PCNT: variants seen among roughly 807,000 people sequenced by gnomAD.
The protein encoded by PCNT is kendrin.
A neutral mutation model predicts 380.4 loss-of-function variants in PCNT; 319 were observed. That is an observed-to-expected ratio of 0.84 (90% CI 0.77 to 0.92). PCNT has a LOEUF of 0.92. Ranked by LOEUF, PCNT falls within the 40% of genes least tolerant of loss-of-function variation. The pLI, the probability that PCNT is intolerant of heterozygous loss-of-function variation, is 0.00. For missense variants in PCNT, 4,400 were observed against 4,255.3 expected, an observed-to-expected ratio of 1.03 and a Z score of -0.95; for synonymous variants, 1,845 against 1,735.2, an observed-to-expected ratio of 1.06 and a Z score of -1.57.
chr21:46,365,985 GTCACTGCCGTGGGGTTCTGT>G (rs1009625085), intron 14 of PCNT, among the ~76,000 whole-genome samples: 23 of 100,884 alleles, frequency 2.3e-4, no homozygotes, highest in Non-Finnish European at 4.0e-4. Flanking sequence ...TGGGGTTCTA[GTCACTGCCGTGGGGTTCTGT>G]TCACTGCCGT....
At position 46,334,646 on chromosome 21, in the gene PCNT, A is replaced by G. The variant is rs535358423; in HGVS notation, c.517A>G (p.Thr173Ala). 2.2e-5 allele frequency: 36 copies of G among 1,604,618 alleles called. No individual in the cohort carries two copies. The East Asian group carries it at 3.1e-4, about 14-fold the overall frequency. ...DHPPEQRGMF[T>A]ISDHQPEQRG... is the part of the protein sequence containing the mutation. ...CCCACCAGAACAGCGTGGGATGTTC[A>G]CAATCAGTGACCACCAACCGGAACA... Residue 173 changes from threonine (T) to alanine (A), a missense_variant, in exon 3 of 47, where the codon ACA (threonine) becomes GCA (alanine). Transcript: ENST00000359568.
At chr21:46,390,546 C>A (rs2085996826) in intron 19 of PCNT, 124 bp from the exon 20 acceptor site, 1 of 1,000,594 alleles carries the variant, frequency 1.0e-6, no homozygotes, top group Non-Finnish European at 1.6e-6. Context: ...GTCACCCTGG[C>A]CTGGCCCTGC....
chr21:46,371,326 T>A (rs1310153341), intron 15 of PCNT, among the ~76,000 whole-genome samples: 2 of 148,176 alleles, frequency 1.3e-5, no homozygotes, highest in Non-Finnish European at 1.5e-5. Context: ...TCCTCCCACC[T>A]CAGCCTCCCA....
intron 27 of PCNT, among the ~76,000 whole-genome samples, chr21:46,408,207 C>G (rs2086675830): frequency 6.6e-6 from 1 of 152,140 alleles, no homozygotes; most frequent in Admixed American, 6.5e-5. Context: ...TTGTAATGCA[C>G]TGGAAATTGA....
At chr21:46,427,561 T>G in intron 33 of PCNT, 61 bp from the exon 34 acceptor site, 1 of 1,601,706 alleles carries the variant, frequency 6.2e-7, no homozygotes, top group Non-Finnish European at 8.5e-7. Context: ...ACTGCGAACT[T>G]TAGGGCACAA....
chr21:46,375,121 T>C (rs1350960029), intron 15 of PCNT, among the ~76,000 whole-genome samples: 1 of 152,172 alleles, frequency 6.6e-6, no homozygotes, highest in Non-Finnish European at 1.5e-5. Flanking sequence ...TAAGCTTGAT[T>C]TCTTTTTGAT....
At chr21:46,369,878 G>A (rs577194621) in intron 15 of PCNT, among the ~76,000 whole-genome samples, 5 of 152,310 alleles carry the variant, frequency 3.3e-5, no homozygotes, top group South Asian at 4.2e-4. Context: ...AGCACCAAGC[G>A]GCCCTGCAGG....
In PCNT at chr21:46,422,141, C is replaced by T. The variant is rs774896211; in HGVS notation, c.7179+17C>T. 154 of 1,612,518 alleles carry T rather than the reference C, an allele frequency of 9.6e-5. No homozygotes were observed. Among genetic ancestry groups the T allele is most frequent in the Admixed American group, 1.8e-4 (11 of 59,996 alleles). ...CACGTGAAGGTATGGCTGGCAGGGGCGGCCCTCACAGCTTCACATGTGCAG... is the reference window on the plus strand; with the variant it reads ...CACGTGAAGGTATGGCTGGCAGGGGTGGCCCTCACAGCTTCACATGTGCAG... On this transcript the variant is annotated intron_variant, in intron 32 of 46. Coordinates refer to ENST00000359568, the MANE Select transcript of PCNT (RefSeq NM_006031.6).
Position 46,349,734 on chromosome 21 carries a change from C to G in PCNT, c.1258C>G (p.Arg420Gly), listed in dbSNP as rs1248268358. The G allele has an allele frequency of 6.2e-7, 1 of 1,613,706 alleles. No homozygotes were observed. Among genetic ancestry groups the G allele is most frequent in the African/African-American group, 1.3e-5 (1 of 74,894 alleles). The change falls in exon 8 of 47, where the codon CGT becomes GGT. Residue 420 changes from arginine (R) to glycine (G), a missense_variant. Transcript: ENST00000359568. ...TCATCAAGCAGCCATTGAGAAGTTACGTGAAGACCTGCAGTCCGAGCACGG... is the reference window on the plus strand; with the variant it reads ...TCATCAAGCAGCCATTGAGAAGTTAGGTGAAGACCTGCAGTCCGAGCACGG... The part of the protein sequence containing the change: ...SHHQAAIEKL[R>G]EDLQSEHGRC...
Position 46,388,937 on chromosome 21 carries a change from T to C in PCNT, c.3607+53T>C. On this transcript the variant is annotated intron_variant, in intron 18 of 46. Coordinates refer to ENST00000359568, the MANE Select transcript of PCNT (RefSeq NM_006031.6). This position sits in a 1 kb window ranked among gnomAD's most constrained non-coding sequence, Gnocchi z 4.2. ...CCCTGTGCTTGCAGCCCCTCTGTGG[T>C]CCTGGAGCTCTCTGAGAGGAGCCTC... The C allele has an allele frequency of 1.3e-6, 2 of 1,546,818 alleles. No homozygotes were observed. Among genetic ancestry groups the C allele is most frequent in the Non-Finnish European group, 1.7e-6 (2 of 1,151,982 alleles).
At position 46,353,437 on chromosome 21, in the gene PCNT, T is replaced by C. The variant is rs2084348817; in HGVS notation, c.1679+111T>C. ...ATGCTAGTAGGCACCAATGGCCTTT[T>C]ATACAAACACATTTTATGGTCCAGA... On this transcript the variant is annotated intron_variant, in intron 10 of 46. Coordinates refer to ENST00000359568, the MANE Select transcript of PCNT (RefSeq NM_006031.6). 8 of 883,118 alleles carry C rather than the reference T, an allele frequency of 9.1e-6. No individual in the cohort carries two copies. In the South Asian group the frequency reaches 9.4e-5, roughly 10 times the overall value. 54.7% of individuals were successfully genotyped at this position (883,118 alleles called of 1,614,324 possible). A position where few individuals can be genotyped will look rare whatever the true frequency, so the allele number is the denominator to read the frequency against.
Position 46,324,162 on chromosome 21 carries a change from A to C in PCNT, c.-67A>C. On this transcript the variant is annotated 5_prime_UTR_variant, in exon 1 of 47. Coordinates refer to ENST00000359568, the MANE Select transcript of PCNT (RefSeq NM_006031.6). Reference sequence around the variant, plus strand: ...GCCCAAGCGCGGGGGAGGGAGTGTAAATAGAGCGAAGGCTGCTCTGTGTCA... The same window carrying C: ...GCCCAAGCGCGGGGGAGGGAGTGTACATAGAGCGAAGGCTGCTCTGTGTCA... 1.5e-6 allele frequency: 2 copies of C among 1,376,368 alleles called. No homozygotes were observed. Among genetic ancestry groups the C allele is most frequent in the Non-Finnish European group, 2.0e-6 (2 of 979,070 alleles). 85.3% of individuals were successfully genotyped at this position (1,376,368 alleles called of 1,614,324 possible). A position where few individuals can be genotyped will look rare whatever the true frequency, so the allele number is the denominator to read the frequency against.
At chr21:46,338,905 C>G (rs1048034317) in intron 3 of PCNT, among the ~76,000 whole-genome samples, 2 of 152,188 alleles carry the variant, frequency 1.3e-5, no homozygotes, top group African/African-American at 4.8e-5. Flanking sequence ...CTCAGCCTCC[C>G]GAGTACCTGG....
At chr21:46,325,205 T>G (rs2146212158) in intron 1 of PCNT, 1 of 985,314 alleles carries the variant, frequency 1.0e-6, no homozygotes. Flanking sequence ...GGCCGGCCTC[T>G]GCGAGGTGCG....
intron 27 of PCNT, among the ~76,000 whole-genome samples, chr21:46,405,194 C>T (rs750529211): frequency 2.2e-4 from 34 of 152,146 alleles, no homozygotes; most frequent in Non-Finnish European, 4.4e-4. Context: ...GATCATGCCA[C>T]TGTAATCCAG....
At position 46,348,900 on chromosome 21, in the gene PCNT, A is replaced by G; in HGVS notation, c.1033-112A>G. The G allele has an allele frequency of 4.0e-6, 3 of 741,188 alleles. No homozygotes were observed. The South Asian group carries it at 4.7e-5, about 11-fold the overall frequency. 45.9% of individuals were successfully genotyped at this position (741,188 alleles called of 1,614,324 possible). ...CTCAGCCTCTCAAAGTGCTGGGATT[A>G]GAGGCATGAGCCACGTTGCCTGGCC... On this transcript the variant is annotated intron_variant, in intron 6 of 46. Transcript: ENST00000359568.
Position 46,440,916 on chromosome 21 carries a change from A to T in PCNT, c.9455A>T (p.Gln3152Leu). The T allele has an allele frequency of 6.2e-7, 1 of 1,613,886 alleles. No individual in the cohort carries two copies. Among genetic ancestry groups the T allele is most frequent in the Non-Finnish European group, 8.5e-7 (1 of 1,179,706 alleles). ...AGCTTTAGAAAAGCTCTGATTTATC[A>T]AAAGAAGTATCTTTTGCTGTTGATT... ...AESFRKALIY[Q>L]KKYLLLLIGG... The change falls in exon 43 of 47, where the codon CAA becomes CTA. Residue 3152 changes from glutamine (Q) to leucine (L), a missense_variant. Transcript: ENST00000359568.
At chr21:46,367,753 A>G (rs764120719) in intron 15 of PCNT, among the ~76,000 whole-genome samples, 1 of 152,098 alleles carries the variant, frequency 6.6e-6, no homozygotes, top group African/African-American at 2.4e-5. Flanking sequence ...GCTGACCAGC[A>G]CCTCTGCAGA....
chr21:46,330,080 C>A (rs552532709), intron 2 of PCNT, among the ~76,000 whole-genome samples: 1 of 152,190 alleles, frequency 6.6e-6, no homozygotes, highest in Non-Finnish European at 1.5e-5. Context: ...AACATGCAGT[C>A]ATCAGGTATT....
Sources: allele counts gnomAD v4.1 joint callset (sites outside exome capture counted in the v4.1 genomes callset), GRCh38; gene constraint gnomAD v4.1.1; non-coding constraint Gnocchi (gnomAD v3.1); transcripts MANE v1.5; gene names NCBI Gene and HGNC (gene_info 2026-07-23, HGNC 2026-07-21).